LIMCH1: variants seen among roughly 807,000 people sequenced by gnomAD.
The protein encoded by LIMCH1 is LIM and calponin homology domains 1, also known as LIM and calponin homology domains-containing protein 1.
In LIMCH1, 113 loss-of-function variants were observed where a neutral mutation model predicts 176.5. That is an observed-to-expected ratio of 0.64 (90% CI 0.55 to 0.75). LIMCH1 has a LOEUF of 0.75. Among genes scored for constraint, LIMCH1 ranks in the 30% least tolerant of loss-of-function variants. The probability of loss-of-function intolerance (pLI) is 0.00; values close to 1 mark genes in which losing one functional copy is unlikely to be tolerated. For synonymous variants in LIMCH1, 619 were observed against 645.9 expected, an observed-to-expected ratio of 0.96 and a Z score of 0.63; for missense variants, 1,674 against 1,814.9, an observed-to-expected ratio of 0.92 and a Z score of 1.41.
chr4:41,663,234 A>G (rs761174035), intron 20 of LIMCH1, among the ~76,000 whole-genome samples: 51 of 150,856 alleles, frequency 3.4e-4, no homozygotes, highest in Non-Finnish European at 4.7e-4. Context: ...GCTCACCACA[A>G]CTTCTACCTC....
At chr4:41,681,105 A>G (rs1715382487) in intron 25 of LIMCH1, 46 bp downstream of exon 25, 1 of 1,205,894 alleles carries the variant, frequency 8.3e-7, no homozygotes, top group African/African-American at 1.5e-5. Context: ...ATAAACCTAA[A>G]TGGAAGTACC....
chr4:41,588,400 G>A (rs112121834), intron 1 of LIMCH1, among the ~76,000 whole-genome samples: 35 of 152,124 alleles, frequency 2.3e-4, no homozygotes, highest in African/African-American at 7.7e-4. Context: ...TTGGAAGAGG[G>A]GGCTGACCAA....
At chr4:41,398,596 T>G (rs2058059701) in intron 1 of LIMCH1, among the ~76,000 whole-genome samples, 1 of 152,172 alleles carries the variant, frequency 6.6e-6, no homozygotes, top group Non-Finnish European at 1.5e-5. Context: ...GTGCGTGTCT[T>G]TTTTGCATCT....
intron 1 of LIMCH1, among the ~76,000 whole-genome samples, chr4:41,451,373 G>A (rs1380072815): frequency 1.3e-5 from 2 of 151,632 alleles, no homozygotes; most frequent in African/African-American, 4.9e-5. Context: ...TAATCTGCCT[G>A]CCTCGGCCTC....
At chr4:41,476,765 T>C (rs1387187962) in intron 1 of LIMCH1, among the ~76,000 whole-genome samples, 2 of 152,208 alleles carry the variant, frequency 1.3e-5, no homozygotes, top group Non-Finnish European at 2.9e-5. Context: ...CATAGGGGAC[T>C]GAGTTGTATA....
At chr4:41,574,785 C>A (rs182309732) in intron 1 of LIMCH1, among the ~76,000 whole-genome samples, 2 of 152,226 alleles carry the variant, frequency 1.3e-5, no homozygotes, top group South Asian at 2.1e-4. Context: ...TGTAAGGGAG[C>A]GAAATAGGTT....
intron 1 of LIMCH1, among the ~76,000 whole-genome samples, chr4:41,542,265 A>G (rs1217666023): frequency 6.6e-6 from 1 of 151,892 alleles, no homozygotes; most frequent in Non-Finnish European, 1.5e-5. Flanking sequence ...TTCTCAGTGT[A>G]TTGATTTTAT....
At chr4:41,422,837 C>T (rs573038930) in intron 1 of LIMCH1, among the ~76,000 whole-genome samples, 2 of 152,188 alleles carry the variant, frequency 1.3e-5, no homozygotes, top group Admixed American at 6.5e-5. Context: ...GGCTCACTGC[C>T]GCCTTGACCT....
intron 22 of LIMCH1, among the ~76,000 whole-genome samples, chr4:41,675,410 C>T (rs2095183603): frequency 1.3e-5 from 2 of 151,976 alleles, no homozygotes; most frequent in African/African-American, 2.4e-5. Flanking sequence ...TTGCCTGCAC[C>T]CCTCCCCACC....
At chr4:41,443,807 G>A (rs1319246183) in intron 1 of LIMCH1, among the ~76,000 whole-genome samples, 1 of 152,194 alleles carries the variant, frequency 6.6e-6, no homozygotes, top group Non-Finnish European at 1.5e-5. Context: ...ATTCCAGCCT[G>A]TGAAGGATGT....
chr4:41,692,638 C>A, intron 31 of LIMCH1: 1 of 370,516 alleles, frequency 2.7e-6, no homozygotes, highest in South Asian at 3.3e-5. Flanking sequence ...ATTGCCTGAG[C>A]TCACTACAGA....
chr4:41,480,689 G>T (rs940525519), intron 1 of LIMCH1, among the ~76,000 whole-genome samples: 2 of 152,166 alleles, frequency 1.3e-5, no homozygotes, highest in African/African-American at 4.8e-5. Flanking sequence ...GCACATCTCT[G>T]CTCCTGGAAA....
intron 1 of LIMCH1, among the ~76,000 whole-genome samples, chr4:41,479,749 A>G (rs1446338854): frequency 6.6e-6 from 1 of 152,184 alleles, no homozygotes; most frequent in Non-Finnish European, 1.5e-5. Context: ...ACTTTTCTTC[A>G]TGACATCAAC....
chr4:41,396,682 C>G (rs1325833505), intron 1 of LIMCH1, among the ~76,000 whole-genome samples: 1 of 152,048 alleles, frequency 6.6e-6, no homozygotes, highest in African/African-American at 2.4e-5. Context: ...GGGCAGATCA[C>G]TTGAGGTCAG....
At chr4:41,592,585 T>C (rs1243515410) in intron 1 of LIMCH1, among the ~76,000 whole-genome samples, 1 of 152,192 alleles carries the variant, frequency 6.6e-6, no homozygotes, top group Non-Finnish European at 1.5e-5. Flanking sequence ...TTTCTTGACC[T>C]GAGTGAACAA....
chr4:41,439,738 A>G (rs1322195374), intron 1 of LIMCH1, among the ~76,000 whole-genome samples: 1 of 152,178 alleles, frequency 6.6e-6, no homozygotes, highest in Non-Finnish European at 1.5e-5. Context: ...CCCAGTCTCT[A>G]CTAAAGATAC....
At chr4:41,486,482 GGAAC>G (rs2069557597) in intron 1 of LIMCH1, among the ~76,000 whole-genome samples, 1 of 152,152 alleles carries the variant, frequency 6.6e-6, no homozygotes, top group Non-Finnish European at 1.5e-5. Flanking sequence ...TGTCATGAGG[GGAAC>G]AGGAATTAGC....
intron 1 of LIMCH1, among the ~76,000 whole-genome samples, chr4:41,415,765 C>G (rs1231552969): frequency 5.3e-5 from 8 of 152,038 alleles, no homozygotes; most frequent in Non-Finnish European, 7.4e-5. Context: ...ATCGCGAGGT[C>G]AGGAGTTAGA....
At chr4:41,587,533 G>A (rs1005194999) in intron 1 of LIMCH1, among the ~76,000 whole-genome samples, 2 of 152,150 alleles carry the variant, frequency 1.3e-5, no homozygotes, top group Non-Finnish European at 2.9e-5. Context: ...CAACATGCAG[G>A]GTGGGCACAC....
Sources: allele counts gnomAD v4.1 joint callset (sites outside exome capture counted in the v4.1 genomes callset), GRCh38; gene constraint gnomAD v4.1.1; transcripts MANE v1.5; gene names NCBI Gene and HGNC (gene_info 2026-07-23, HGNC 2026-07-21).